Variants in ABCA13 observed in about 807,000 individuals in gnomAD.
ABCA13 encodes ATP binding cassette subfamily A member 13.
In ABCA13, 476 loss-of-function variants were observed where a neutral mutation model predicts 478.7. The ratio of observed to expected loss-of-function variants is 0.99; its 90% CI spans 0.92 to 1.07. The LOEUF (loss-of-function observed/expected upper bound fraction) is 1.07. Ranked by LOEUF, ABCA13 falls within the 50% of genes least tolerant of loss-of-function variation. ABCA13 has a pLI of 0.00. For synonymous variants in ABCA13, 2,252 were observed against 2,158.9 expected (o/e 1.04, Z -1.20); for missense variants, 6,060 against 5,910.6 (o/e 1.03, Z -0.83).
chr7:48,522,350 G>A (rs1035475359), intron 53 of ABCA13, among the ~76,000 whole-genome samples: 2 of 152,074 alleles, frequency 1.3e-5, no homozygotes, highest in African/African-American at 4.8e-5. Flanking sequence ...CTGTCCTGCT[G>A]CTGGCCTTGG....
At chr7:48,439,386 A>G (rs1823277906) in intron 42 of ABCA13, among the ~76,000 whole-genome samples, 1 of 152,152 alleles carries the variant, frequency 6.6e-6, no homozygotes, top group South Asian at 2.1e-4. Context: ...TCTAATAATC[A>G]TATTTTCTTT....
chr7:48,624,059 A>T (rs1396438435), intron 59 of ABCA13, among the ~76,000 whole-genome samples: 2 of 142,442 alleles, frequency 1.4e-5, no homozygotes, highest in East Asian at 2.1e-4. Flanking sequence ...CACATGATAG[A>T]GTGTGTGTGT....
At chr7:48,434,455 G>A (rs1822557805) in intron 42 of ABCA13, among the ~76,000 whole-genome samples, 1 of 151,428 alleles carries the variant, frequency 6.6e-6, no homozygotes, top group African/African-American at 2.4e-5. Context: ...TCTTTCCATG[G>A]GCTACCTTTT....
intron 19 of ABCA13, among the ~76,000 whole-genome samples, chr7:48,286,446 TG>T (rs1310037073): frequency 4.6e-5 from 7 of 152,166 alleles, no homozygotes; most frequent in African/African-American, 1.7e-4. Flanking sequence ...CCTTTTCAGA[TG>T]GGCTTCTTTC....
chr7:48,377,878 T>C (rs891153795), intron 35 of ABCA13, among the ~76,000 whole-genome samples: 1 of 152,206 alleles, frequency 6.6e-6, no homozygotes, highest in Non-Finnish European at 1.5e-5. Context: ...ACATTTGTGA[T>C]GTCCATCTAA....
intron 51 of ABCA13, 89 bp from the exon 52 acceptor site, chr7:48,516,636 A>G: frequency 7.5e-7 from 1 of 1,324,646 alleles, no homozygotes; most frequent in Non-Finnish European, 1.1e-6. Flanking sequence ...TCAGGGATTC[A>G]CCCCAAGGTC....
In ABCA13 at chr7:48,193,088, C is replaced by T. The variant is rs1056820419; in HGVS notation, c.163+36C>T. On this transcript the variant is annotated intron_variant, in intron 2 of 61. Transcript: ENST00000435803. ...CTTTTTAATATACTTTTTGAATTAA[C>T]CTTTGGAGAAAAAAAACTCATAGCA... is the stretch of plus-strand genomic sequence containing the variant. 6 of 1,441,240 alleles carry T rather than the reference C, an allele frequency of 4.2e-6. No individual in the cohort carries two copies. The Admixed American group carries it at 1.4e-4, about 33-fold the overall frequency. 89.3% of individuals were successfully genotyped at this position (1,441,240 alleles called of 1,614,324 possible).
intron 57 of ABCA13, among the ~76,000 whole-genome samples, chr7:48,587,520 A>G (rs1431946871): frequency 2.0e-5 from 3 of 152,226 alleles, no homozygotes; most frequent in Non-Finnish European, 4.4e-5. Context: ...TGAAAATTCT[A>G]TAAAATTTTA....
intron 53 of ABCA13, among the ~76,000 whole-genome samples, chr7:48,521,061 G>GCATGCACACA (rs58617989): frequency 0.37 from 55,173 of 147,288 alleles, 11,144 homozygotes; most frequent in African/African-American, 0.57. Context: ...TTATACACAT[G>GCATGCACACA]CATGCACACA....
chr7:48,361,646 A>T (rs1010181442), intron 31 of ABCA13, among the ~76,000 whole-genome samples: 2 of 151,554 alleles, frequency 1.3e-5, no homozygotes, highest in African/African-American at 4.9e-5. Flanking sequence ...AGTTAAATAT[A>T]TTATGTAGGT....
rs1040452377 is a variant in ABCA13, at chr7:48,248,394, T to G, written c.1815T>G (p.Pro605=). The change falls in exon 14 of 62, where the codon CCT becomes CCG. Residue 605 remains proline (P), a synonymous_variant. Coordinates refer to ENST00000435803, the MANE Select transcript of ABCA13 (RefSeq NM_152701.5). ...LFLLLGADPS[P]ENDVFSSDCK... Reference sequence around the variant, plus strand: ...TGCTGCTGGGAGCTGATCCCTCTCCTGAGAATGATGTCTTTTCTAGTGACT... The same window carrying G: ...TGCTGCTGGGAGCTGATCCCTCTCCGGAGAATGATGTCTTTTCTAGTGACT... 13 of 1,612,902 alleles carry G rather than the reference T, an allele frequency of 8.1e-6. No individual in the cohort carries two copies. Among genetic ancestry groups the G allele is most frequent in the Non-Finnish European group, 1.1e-5 (13 of 1,179,318 alleles).
rs145744455 is a variant in ABCA13 at position 48,425,730 on chromosome 7, C to CTTATTTAT, written c.12460-2017_12460-2010dup. Among the ~76,000 whole-genome samples, 123 of 113,752 alleles carry CTTATTTAT rather than the reference C, an allele frequency of 1.1e-3. 1 individual carries two copies. Among genetic ancestry groups the CTTATTTAT allele is most frequent in the South Asian group, 4.4e-3 (15 of 3,372 alleles). The allele number at this position is 113,752 out of a possible 152,430, so 74.6% of individuals were successfully genotyped here. On this transcript the variant is annotated intron_variant, in intron 41 of 61. Transcript: ENST00000435803. ...TGCTTGCAACAATCCTATAATATGT[C>CTTATTTAT]TTATTTATTTATTTATTTATTTATT...
At position 48,276,404 on chromosome 7, in the gene ABCA13, G is replaced by A; in HGVS notation, c.6738G>A (p.Gln2246=). ...TTAACCTTATCTTGAACCATATGCA[G>A]TCAGAAACTAGTAGGAAAACAGTTC... ...NFINLILNHM[Q]SETSRKTVLS... is the part of the protein sequence containing the mutation. Residue 2246 remains glutamine, a synonymous_variant, in exon 17 of 62, where the codon CAG becomes CAA. Transcript: ENST00000435803. 1 of 1,559,238 alleles carries A rather than the reference G, an allele frequency of 6.4e-7. No homozygotes were observed. The highest frequency in any genetic ancestry group is 8.7e-7 in the Non-Finnish European group (1 of 1,154,202).
In ABCA13 at chr7:48,272,311, C is replaced by G; in HGVS notation, c.2645C>G (p.Pro882Arg). 1 of 1,613,638 alleles carries G rather than the reference C, an allele frequency of 6.2e-7. No individual in the cohort carries two copies. Among genetic ancestry groups the G allele is most frequent in the Non-Finnish European group, 8.5e-7 (1 of 1,179,726 alleles). Residue 882 changes from proline to arginine, a missense_variant, in exon 17 of 62, where the codon CCT becomes CGT. Pro to Arg is a moderately radical substitution (Grantham distance 103, BLOSUM62 -2). Coordinates refer to ENST00000435803, the MANE Select transcript of ABCA13 (RefSeq NM_152701.5). ...TCCCAGTTGTTCCATTCAGATTGGC[C>G]TAAATCACCAGCTATGAACATAGAT... ...NFSQLFHSDW[P>R]KSPAMNIDFV...
intron 49 of ABCA13, among the ~76,000 whole-genome samples, chr7:48,507,031 G>A (rs376050627): frequency 3.3e-5 from 5 of 152,122 alleles, no homozygotes; most frequent in African/African-American, 9.7e-5. Flanking sequence ...TGCTTAATGG[G>A]CATTCTCTGC....
At position 48,272,867 on chromosome 7, in the gene ABCA13, G is replaced by A. The variant is rs1168883505; in HGVS notation, c.3201G>A (p.Gln1067=). Reference sequence around the variant, plus strand: ...ACACTACTTTGACAGGCCTCAAACAGCTGCTCATAATTGATGAAGATTTTC... The same window carrying A: ...ACACTACTTTGACAGGCCTCAAACAACTGCTCATAATTGATGAAGATTTTC... ...VIHTTLTGLK[Q]LLIIDEDFRI... The change falls in exon 17 of 62, where the codon CAG becomes CAA. Residue 1067 remains glutamine (Q), a synonymous_variant. Transcript: ENST00000435803. The A allele has an allele frequency of 6.2e-7, 1 of 1,607,316 alleles. No homozygotes were observed. Among genetic ancestry groups the A allele is most frequent in the Non-Finnish European group, 8.5e-7 (1 of 1,176,058 alleles).
At chr7:48,633,931 C>CATAGAGAGATACATAG (rs1794400600) in intron 59 of ABCA13, among the ~76,000 whole-genome samples, 2 of 144,890 alleles carry the variant, frequency 1.4e-5, no homozygotes, top group African/African-American at 5.1e-5. Flanking sequence ...TAGATAGATA[C>CATAGAGAGATACATAG]ATAGATAGAT....
chr7:48,633,235 A>C (rs2131644734), intron 59 of ABCA13, among the ~76,000 whole-genome samples: 1 of 152,308 alleles, frequency 6.6e-6, no homozygotes, highest in Non-Finnish European at 1.5e-5. Context: ...AGATAAATAA[A>C]CAAATATGGA....
chr7:48,292,783 T>G (rs1268594381), intron 20 of ABCA13, among the ~76,000 whole-genome samples: 4 of 152,202 alleles, frequency 2.6e-5, no homozygotes, highest in African/African-American at 9.6e-5. Context: ...TGTGACATGC[T>G]GACCAGTTTG....
Sources: gnomAD v4.1 joint callset for allele counts (sites outside exome capture counted in the v4.1 genomes callset) on GRCh38, gnomAD v4.1.1 for gene constraint, MANE v1.5 for transcripts, NCBI Gene and HGNC (gene_info 2026-07-23, HGNC 2026-07-21) for gene names.